IQGAP3: variants seen among roughly 807,000 people sequenced by gnomAD.
IQGAP3 encodes the protein ras GTPase-activating-like protein IQGAP3.
In IQGAP3, 165 loss-of-function variants were observed where a neutral mutation model predicts 208.2. The ratio of observed to expected loss-of-function variants is 0.79; its 90% CI spans 0.70 to 0.90. The LOEUF (loss-of-function observed/expected upper bound fraction) is 0.90. IQGAP3 is among the 40% of genes least tolerant of loss of function. IQGAP3 has a pLI of 0.00. For synonymous variants in IQGAP3, 703 were observed against 803.6 expected (o/e 0.87, Z 2.12); for missense variants, 1,811 against 2,043.1 (o/e 0.89, Z 2.19).
At chr1:156,530,056 A>T in intron 34 of IQGAP3, 49 bp downstream of exon 34, 1 of 1,427,094 alleles carries the variant, frequency 7.0e-7, no homozygotes, top group East Asian at 2.5e-5. Context: ...ATGCACGCAC[A>T]CACACACACG....
chr1:156,566,992 C>T (rs916967768), intron 2 of IQGAP3, among the ~76,000 whole-genome samples: 5 of 151,934 alleles, frequency 3.3e-5, no homozygotes, highest in Non-Finnish European at 7.4e-5. Context: ...TTCAGCCTCC[C>T]GAGTAGTTGG....
At chr1:156,527,519 A>C (rs1674156894) in intron 37 of IQGAP3, among the ~76,000 whole-genome samples, 1 of 152,078 alleles carries the variant, frequency 6.6e-6, no homozygotes, top group African/African-American at 2.4e-5. Flanking sequence ...CAACAACAAC[A>C]ACCACAACCA....
chr1:156,569,643 C>T (rs1676557016), intron 1 of IQGAP3, among the ~76,000 whole-genome samples, 180 bp from the exon 2 acceptor site: 1 of 151,254 alleles, frequency 6.6e-6, no homozygotes, highest in South Asian at 2.1e-4. Flanking sequence ...GTCAGCCTCC[C>T]GAGTAGCTGG....
At position 156,528,444 on chromosome 1, in the gene IQGAP3, C is replaced by T. The variant is rs569347826; in HGVS notation, c.4673+65G>A. The T allele has an allele frequency of 1.0e-4, 126 of 1,229,200 alleles. 3 individuals carry two copies. The South Asian group carries it at 1.5e-3, about 15-fold the overall frequency. 76.1% of individuals were successfully genotyped at this position (1,229,200 alleles called of 1,614,324 possible). A position where few individuals can be genotyped will look rare whatever the true frequency, so the allele number is the denominator to read the frequency against. ...CTTCTCTTCCACCCGGTGCCCAGCC[C>T]AGAGCTCCACCCCCAGGTTAGAGGA... On this transcript the variant is annotated intron_variant, in intron 36 of 37. Coordinates refer to ENST00000361170, the MANE Select transcript of IQGAP3 (RefSeq NM_178229.5).
Position 156,556,667 on chromosome 1 carries a change from T to C in IQGAP3, c.1156A>G (p.Lys386Glu), listed in dbSNP as rs1675835745. The C allele has an allele frequency of 6.2e-7, 1 of 1,601,390 alleles. No individual in the cohort carries two copies. Among genetic ancestry groups the C allele is most frequent in the South Asian group, 1.1e-5 (1 of 89,754 alleles). ...AMLHAVQRIN[K>E]AIRRRVAADT... ...GCCGCCACTCTCCTCCGGATGGCTT[T>C]GTTGATCCGCTGCACAGCGTGGAGC... The change falls in exon 12 of 38, where the codon AAA becomes GAA. Residue 386 changes from lysine to glutamate, a missense_variant. Lys to Glu is a moderately conservative substitution (Grantham distance 56). Coordinates refer to ENST00000361170, the MANE Select transcript of IQGAP3 (RefSeq NM_178229.5).
chr1:156,560,619 C>T (rs1750303), intron 11 of IQGAP3, among the ~76,000 whole-genome samples: 146,523 of 152,348 alleles, frequency 0.96, 70,728 homozygotes, highest in East Asian at 1. Flanking sequence ...ACTACATTTC[C>T]GAAGCCAAAG....
intron 19 of IQGAP3, among the ~76,000 whole-genome samples, chr1:156,547,388 G>GACACAGACACACAGACACACAC (rs1553225631): frequency 6.8e-6 from 1 of 147,328 alleles, no homozygotes; most frequent in Non-Finnish European, 1.5e-5. Context: ...CAGACACACA[G>GACACAGACACACAGACACACAC]ACACACACAC....
At chr1:156,565,777 C>T (rs992627432) in intron 4 of IQGAP3, among the ~76,000 whole-genome samples, 3 of 152,216 alleles carry the variant, frequency 2.0e-5, no homozygotes, top group Admixed American at 2.0e-4. Context: ...CTCCCACCCC[C>T]TGCATAATGG....
At chr1:156,548,281 G>A in intron 18 of IQGAP3, 38 bp from the exon 19 acceptor site, 2 of 1,608,926 alleles carry the variant, frequency 1.2e-6, no homozygotes, top group East Asian at 2.2e-5. Flanking sequence ...GTCTTTTGGG[G>A]AGTGGGAGCC....
chr1:156,552,477 G>A (rs1675600988), intron 13 of IQGAP3, among the ~76,000 whole-genome samples: 1 of 152,190 alleles, frequency 6.6e-6, no homozygotes, highest in Non-Finnish European at 1.5e-5. Flanking sequence ...GCTCACATCT[G>A]AACTGGTTCC....
chr1:156,548,267 T>C lies in IQGAP3; in HGVS notation c.2134-24A>G, dbSNP rs559123147. The C allele has an allele frequency of 1.9e-6, 3 of 1,610,698 alleles. No homozygotes were observed. The South Asian group carries it at 3.3e-5, about 18-fold the overall frequency. On this transcript the variant is annotated intron_variant, in intron 18 of 37. Coordinates refer to ENST00000361170, the MANE Select transcript of IQGAP3 (RefSeq NM_178229.5). ...GACTGTGGAGGCAGGAGAGAGACGCTGTGGTCTTTTGGGGAGTGGGAGCCT... is the reference window on the plus strand; with the variant it reads ...GACTGTGGAGGCAGGAGAGAGACGCCGTGGTCTTTTGGGGAGTGGGAGCCT...
intron 2 of IQGAP3, among the ~76,000 whole-genome samples, chr1:156,568,485 G>A (rs1054853431): frequency 6.6e-6 from 1 of 152,214 alleles, no homozygotes; most frequent in Non-Finnish European, 1.5e-5. Flanking sequence ...CCAAAGTGCT[G>A]GGATTACAGG....
chr1:156,554,075 G>A (rs1054882196), intron 13 of IQGAP3, among the ~76,000 whole-genome samples, 160 bp downstream of exon 13: 9 of 152,262 alleles, frequency 5.9e-5, no homozygotes, highest in African/African-American at 1.2e-4. Context: ...TCCACTCCCA[G>A]GAAGAAACAC....
intron 28 of IQGAP3, 47 bp from the exon 29 acceptor site, chr1:156,534,780 A>G: frequency 7.4e-7 from 1 of 1,342,712 alleles, no homozygotes; most frequent in Non-Finnish European, 1.0e-6. Flanking sequence ...GGCCGCCTTG[A>G]CTGGTGCGGC....
chr1:156,547,485 G>A (rs866112988), intron 19 of IQGAP3, among the ~76,000 whole-genome samples: 27 of 152,158 alleles, frequency 1.8e-4, no homozygotes, highest in South Asian at 1.5e-3. Context: ...GAGTGCAGTG[G>A]TGTCATTATA....
At chr1:156,548,869 T>C (rs902823999) in intron 16 of IQGAP3, 121 bp from the exon 17 acceptor site, 5 of 981,224 alleles carry the variant, frequency 5.1e-6, no homozygotes, top group African/African-American at 3.3e-5. Flanking sequence ...TCTGAAGGAG[T>C]AGACGGGAAC....
chr1:156,569,705 G>A (rs1345305459), intron 1 of IQGAP3, among the ~76,000 whole-genome samples: 1 of 151,942 alleles, frequency 6.6e-6, no homozygotes, highest in African/African-American at 2.4e-5. Flanking sequence ...TTTTTTAGTA[G>A]AGACAGGGTT....
chr1:156,551,127 A>C (rs2102408039), intron 15 of IQGAP3, among the ~76,000 whole-genome samples: 1 of 152,352 alleles, frequency 6.6e-6, no homozygotes, highest in African/African-American at 2.4e-5. Flanking sequence ...CTACTGTCAT[A>C]TTATCTCACT....
intron 33 of IQGAP3, among the ~76,000 whole-genome samples, chr1:156,530,899 C>T (rs921407800): frequency 6.6e-6 from 1 of 152,168 alleles, no homozygotes; most frequent in Non-Finnish European, 1.5e-5. Flanking sequence ...CAGTGCCCCC[C>T]ATAGCCCTAG....
Sources: gnomAD v4.1 joint callset for allele counts (sites outside exome capture counted in the v4.1 genomes callset) on GRCh38, gnomAD v4.1.1 for gene constraint, MANE v1.5 for transcripts, NCBI Gene and HGNC (gene_info 2026-07-23, HGNC 2026-07-21) for gene names.